CACNA1A: variants seen among roughly 807,000 people sequenced by gnomAD.
CACNA1A encodes calcium voltage-gated channel subunit alpha1 A.
Under a neutral mutation model 262.4 loss-of-function variants are expected in CACNA1A, and 57 were observed. That is an observed-to-expected ratio of 0.22 (90% CI 0.18 to 0.27). CACNA1A has a LOEUF of 0.27. Among genes scored for constraint, CACNA1A ranks in the 10% least tolerant of loss-of-function variants. The pLI, the probability that CACNA1A is intolerant of heterozygous loss-of-function variation, is 1.00. For synonymous variants in CACNA1A, 1,431 were observed against 1,419.3 expected (o/e 1.01, Z -0.18); for missense variants, 2,526 against 3,562.8 (o/e 0.71, Z 7.41).
chr19:13,248,388 C>A (rs1319267140), intron 30 of CACNA1A, among the ~76,000 whole-genome samples: 3 of 102,230 alleles, frequency 2.9e-5, no homozygotes, highest in Non-Finnish European at 5.4e-5. Context: ...ACAGGCTGGG[C>A]AACAGAGTAA....
chr19:13,306,849 A>C (rs534181079), intron 15 of CACNA1A, among the ~76,000 whole-genome samples: 26 of 152,290 alleles, frequency 1.7e-4, no homozygotes, highest in Admixed American at 5.2e-4. Flanking sequence ...CGTCCCATGG[A>C]AACCACAATC....
chr19:13,322,603 T>C (rs2058277527), intron 10 of CACNA1A, among the ~76,000 whole-genome samples: 1 of 152,042 alleles, frequency 6.6e-6, no homozygotes, highest in Non-Finnish European at 1.5e-5. Context: ...TGTCTTTTTT[T>C]TTTTTCTTGT....
intron 3 of CACNA1A, among the ~76,000 whole-genome samples, chr19:13,423,605 C>T (rs1295109673): frequency 1.3e-5 from 2 of 152,058 alleles, no homozygotes; most frequent in African/African-American, 4.8e-5. Context: ...TCCACCTCCC[C>T]AGGCTCAAGC....
Position 13,390,093 on chromosome 19 carries a change from G to A in CACNA1A, c.540-18314C>T, listed in dbSNP as rs146863320. On this transcript the variant is annotated intron_variant, in intron 3 of 46. Coordinates refer to ENST00000360228, the MANE Select transcript of CACNA1A (RefSeq NM_001127222.2). The stretch of plus-strand genomic sequence containing the variant: ...TTCCCAAAGTGCTGGGATTACAGGC[G>A]GGAGCCACTATGCCCCACCTACATT... Among the ~76,000 whole-genome samples, 70 of 151,990 alleles carry A rather than the reference G, an allele frequency of 4.6e-4. No homozygotes were observed. In the East Asian group the frequency reaches 7.2e-3, roughly 16 times the overall value.
In CACNA1A at chr19:13,303,834, A is replaced by C; in HGVS notation, c.2037T>G (p.Ser679=). 1 of 1,613,696 alleles carries C rather than the reference A, an allele frequency of 6.2e-7. No homozygotes were observed. The highest frequency in any genetic ancestry group is 1.1e-5 in the South Asian group (1 of 91,062). The change falls in exon 16 of 47, where the codon TCT becomes TCG. Residue 679 remains serine, a synonymous_variant. Coordinates refer to ENST00000360228, the MANE Select transcript of CACNA1A (RefSeq NM_001127222.2). ...CCATGCCGCCCTGCACGCCCCCCTG[A>C]GACTTGATCCCGTCGTACATGACCT... The part of the protein sequence containing the change: ...WNEVMYDGIK[S]QGGVQGGMVF...
chr19:13,448,224 G>C (rs2060852744), intron 3 of CACNA1A, among the ~76,000 whole-genome samples: 1 of 152,130 alleles, frequency 6.6e-6, no homozygotes, highest in Non-Finnish European at 1.5e-5. Flanking sequence ...GACGGAGCTG[G>C]AGGCCATTAT....
intron 3 of CACNA1A, among the ~76,000 whole-genome samples, chr19:13,404,732 A>T (rs2059971899): frequency 6.6e-6 from 1 of 152,306 alleles, no homozygotes; most frequent in South Asian, 2.1e-4. Flanking sequence ...AGTGCTTTCC[A>T]GAAATGAGCT....
intron 5 of CACNA1A, chr19:13,362,301 G>A (rs960906189): frequency 6.6e-6 from 1 of 152,184 alleles, no homozygotes; most frequent in African/African-American, 2.4e-5. Context: ...AGGTTCAAGT[G>A]ATTCTCCTGC....
At chr19:13,400,761 GAGCTAATAATGC>G (rs1239723671) in intron 3 of CACNA1A, among the ~76,000 whole-genome samples, 2 of 152,112 alleles carry the variant, frequency 1.3e-5, no homozygotes, top group Non-Finnish European at 2.9e-5. Flanking sequence ...TCCCATTTTG[GAGCTAATAATGC>G]AGCCCCCAAA....
chr19:13,240,951 G>A (rs895666900), intron 31 of CACNA1A, among the ~76,000 whole-genome samples: 3 of 152,254 alleles, frequency 2.0e-5, no homozygotes, highest in African/African-American at 7.2e-5. Context: ...CTGCCTGAGA[G>A]TCTTTGCCGG....
intron 3 of CACNA1A, among the ~76,000 whole-genome samples, chr19:13,408,248 G>A (rs747593478): frequency 2.0e-5 from 3 of 152,152 alleles, no homozygotes; most frequent in Non-Finnish European, 4.4e-5. Flanking sequence ...TGTACCTGTG[G>A]TGTCCCAGCT....
chr19:13,291,032 T>C (rs886249270), intron 19 of CACNA1A, among the ~76,000 whole-genome samples: 1 of 152,120 alleles, frequency 6.6e-6, no homozygotes, highest in Non-Finnish European at 1.5e-5. Context: ...CTAATATCAA[T>C]TTCCGGGAGG....
intron 34 of CACNA1A, 32 bp from the exon 35 acceptor site, chr19:13,231,892 A>G (rs1410019953): frequency 6.3e-7 from 1 of 1,599,568 alleles, no homozygotes. Flanking sequence ...AGACTCGGAC[A>G]CCCAGCCCTG....
intron 10 of CACNA1A, among the ~76,000 whole-genome samples, chr19:13,327,588 T>C (rs939744644): frequency 1.3e-5 from 2 of 151,606 alleles, no homozygotes; most frequent in African/African-American, 2.4e-5. Flanking sequence ...ATTTTTTATT[T>C]TTTTGATGGA....
Position 13,214,706 on chromosome 19 carries a change from AATCT to A in CACNA1A, c.5732-102_5732-99del. 1.1e-6 allele frequency: 1 copy of A among 910,058 alleles called. No individual in the cohort carries two copies. Among genetic ancestry groups the A allele is most frequent in the Non-Finnish European group, 1.7e-6 (1 of 575,534 alleles). The allele number at this position is 910,058 out of a possible 1,614,324, so 56.4% of individuals were successfully genotyped here. A position where few individuals can be genotyped will look rare whatever the true frequency, so the allele number is the denominator to read the frequency against. ...CATAGGCTCCCGAGAACGAGACCCC[AATCT>A]TTCTGGTCCCCATGGGGTCTCCAGT... On this transcript the variant is annotated intron_variant, in intron 38 of 46. Coordinates refer to ENST00000360228, the MANE Select transcript of CACNA1A (RefSeq NM_001127222.2). The surrounding 1 kb of genome is among the most constrained non-coding windows in gnomAD (Gnocchi z 4.1).
At chr19:13,359,470 A>T in intron 6 of CACNA1A, 136 bp downstream of exon 6, 1 of 641,086 alleles carries the variant, frequency 1.6e-6, no homozygotes, top group Non-Finnish European at 2.8e-6. Flanking sequence ...GGCCAGCTTC[A>T]GTGGGGCTGT....
chr19:13,243,528 TC>T (rs2056137265), intron 31 of CACNA1A: 1 of 150,980 alleles, frequency 6.6e-6, no homozygotes. Flanking sequence ...GTCTCTCACT[TC>T]CCCAGGCATT....
rs533170705 is a variant in CACNA1A, at chr19:13,278,255, C to T, written c.3823-1127G>A. Among the ~76,000 whole-genome samples the T allele has an allele frequency of 1.8e-4, 28 of 152,198 alleles. 1 individual carries two copies. The highest frequency in any genetic ancestry group is 6.3e-4 in the African/African-American group (26 of 41,536). ...CAGGGATAAAAGTCAAAGTCCTCCC[C>T]GAGGCCCTCAAGCCCCTGCACGATC... is the stretch of plus-strand genomic sequence containing the variant. On this transcript the variant is annotated intron_variant, in intron 22 of 46. Transcript: ENST00000360228.
intron 19 of CACNA1A, among the ~76,000 whole-genome samples, chr19:13,293,439 CTT>C (rs974515720): frequency 2.0e-4 from 16 of 80,894 alleles, no homozygotes; most frequent in Admixed American, 7.4e-4. Flanking sequence ...TCAGTTAAAT[CTT>C]TTTTTTTTTT....
Sources: allele counts gnomAD v4.1 joint callset (sites outside exome capture counted in the v4.1 genomes callset), GRCh38; gene constraint gnomAD v4.1.1; non-coding constraint Gnocchi (gnomAD v3.1); transcripts MANE v1.5; gene names NCBI Gene and HGNC (gene_info 2026-07-23, HGNC 2026-07-21).